MYO18B: variants seen among roughly 807,000 people sequenced by gnomAD.
The protein encoded by MYO18B is unconventional myosin-XVIIIb.
Under a neutral mutation model 273.0 loss-of-function variants are expected in MYO18B, and 204 were observed. The observed-to-expected ratio is 0.75, with a 90% CI of 0.67 to 0.84. The LOEUF (loss-of-function observed/expected upper bound fraction) is 0.84, where lower values mean the gene tolerates loss of function less well. Ranked by LOEUF, MYO18B falls within the 40% of genes least tolerant of loss-of-function variation. The probability of loss-of-function intolerance (pLI) is 0.00; values close to 1 mark genes in which losing one functional copy is unlikely to be tolerated. For synonymous variants in MYO18B, 1,330 were observed against 1,305.7 expected, an observed-to-expected ratio of 1.02 and a Z score of -0.40; for missense variants, 3,212 against 3,287.6, an observed-to-expected ratio of 0.98 and a Z score of 0.56.
chr22:25,833,546 G>A (rs974663605), intron 16 of MYO18B, among the ~76,000 whole-genome samples: 1 of 152,144 alleles, frequency 6.6e-6, no homozygotes, highest in African/African-American at 2.4e-5. Flanking sequence ...ACCTCTGCTC[G>A]ACTCAGAACT....
intron 17 of MYO18B, among the ~76,000 whole-genome samples, chr22:25,839,096 G>A (rs570230334): frequency 1.8e-4 from 26 of 148,074 alleles, no homozygotes; most frequent in African/African-American, 4.6e-4. Flanking sequence ...GTGTGTATAC[G>A]TGTGTGCGTG....
intron 1 of MYO18B, among the ~76,000 whole-genome samples, chr22:25,745,402 C>T (rs6004750): frequency 0.38 from 58,199 of 151,786 alleles, 13,009 homozygotes; most frequent in African/African-American, 0.62. Context: ...GGAACCACTG[C>T]GCCTGGCAGA....
chr22:25,884,180 A>G (rs2091429215), intron 25 of MYO18B, among the ~76,000 whole-genome samples: 1 of 152,182 alleles, frequency 6.6e-6, no homozygotes, highest in African/African-American at 2.4e-5. Context: ...AGATGTATGT[A>G]GGTCAGAAAG....
chr22:25,864,629 T>C (rs540493513), intron 21 of MYO18B, among the ~76,000 whole-genome samples: 10 of 152,254 alleles, frequency 6.6e-5, no homozygotes, highest in African/African-American at 2.4e-4. Flanking sequence ...TACCATCACT[T>C]CCTAAACACG....
intron 40 of MYO18B, among the ~76,000 whole-genome samples, chr22:25,995,019 C>T (rs928237980): frequency 6.6e-6 from 1 of 152,016 alleles, no homozygotes; most frequent in Non-Finnish European, 1.5e-5. Flanking sequence ...GAAGAAGGTG[C>T]AACAAGAAGC....
At chr22:25,827,625 G>A (rs1157531165) in intron 14 of MYO18B, among the ~76,000 whole-genome samples, 2 of 152,190 alleles carry the variant, frequency 1.3e-5, no homozygotes, top group African/African-American at 4.8e-5. Flanking sequence ...CAGAGCAGCC[G>A]GGTTTCTCCA....
intron 34 of MYO18B, among the ~76,000 whole-genome samples, chr22:25,931,681 C>CTTTTTTTTTT (rs71311530): frequency 2.4e-5 from 3 of 123,520 alleles, no homozygotes; most frequent in Non-Finnish European, 3.4e-5. Flanking sequence ...TTTCTTTTTT[C>CTTTTTTTTTT]TTTTTTTTTT....
At chr22:26,010,591 C>T (rs983709883) in intron 42 of MYO18B, among the ~76,000 whole-genome samples, 5 of 152,186 alleles carry the variant, frequency 3.3e-5, no homozygotes, top group Admixed American at 2.0e-4. Context: ...ACAACTGTAG[C>T]AAATTAGCAC....
chr22:25,918,095 C>T (rs5761314), intron 33 of MYO18B, among the ~76,000 whole-genome samples: 55,847 of 151,990 alleles, frequency 0.37, 12,042 homozygotes, highest in East Asian at 0.51. Context: ...TGCTTAAAAG[C>T]GATAAGGTCC....
At chr22:25,749,955 C>T (rs1456337792) in intron 1 of MYO18B, among the ~76,000 whole-genome samples, 1 of 152,216 alleles carries the variant, frequency 6.6e-6, no homozygotes, top group African/African-American at 2.4e-5. Context: ...AACAGCCATG[C>T]CCATTCATTT....
At chr22:25,886,360 G>A (rs954234252) in intron 25 of MYO18B, among the ~76,000 whole-genome samples, 7 of 152,210 alleles carry the variant, frequency 4.6e-5, no homozygotes, top group African/African-American at 1.4e-4. Flanking sequence ...AATTTCCCCT[G>A]CTGACTGAGG....
At chr22:25,810,433 ATT>A (rs369429871) in intron 12 of MYO18B, among the ~76,000 whole-genome samples, 5,103 of 96,548 alleles carry the variant, frequency 0.053, 135 homozygotes, top group East Asian at 0.19. Context: ...ATAGGCTATA[ATT>A]TTTTTTTTTT....
intron 5 of MYO18B, among the ~76,000 whole-genome samples, chr22:25,770,529 A>G (rs759054666): frequency 2.0e-5 from 3 of 152,134 alleles, no homozygotes; most frequent in Non-Finnish European, 4.4e-5. Context: ...ATGGCTGGGA[A>G]GAGTGGTTGA....
intron 42 of MYO18B, among the ~76,000 whole-genome samples, chr22:26,010,280 A>G (rs1934794524): frequency 6.6e-6 from 1 of 151,996 alleles, no homozygotes; most frequent in South Asian, 2.1e-4. Flanking sequence ...CATCCTCTAT[A>G]CTTTAGCCAG....
chr22:25,845,945 A>G (rs1569102417), intron 18 of MYO18B, among the ~76,000 whole-genome samples, 155 bp from the exon 19 acceptor site: 1 of 152,228 alleles, frequency 6.6e-6, no homozygotes, highest in Non-Finnish European at 1.5e-5. Flanking sequence ...GGGGCTGTGA[A>G]TGAAGGGGAG....
In MYO18B at chr22:26,027,380, A is replaced by G. The variant is rs1936336644; in HGVS notation, c.7406A>G (p.Gln2469Arg). 1 of 1,613,954 alleles carries G rather than the reference A, an allele frequency of 6.2e-7. No homozygotes were observed. The highest frequency in any genetic ancestry group is 8.5e-7 in the Non-Finnish European group (1 of 1,179,854). The part of the protein sequence containing the change: ...GSAKGGQDGS[Q>R]RSSIHFETEE... The stretch of plus-strand genomic sequence containing the variant: ...GCCAAAGGTGGGCAAGACGGTTCAC[A>G]GCGTTCAAGCATCCACTTTGAAACG... The change falls in exon 43 of 44, where the codon CAG (glutamine) becomes CGG (arginine). Residue 2469 changes from glutamine to arginine, a missense_variant. By Grantham distance (43) the Gln-to-Arg change is conservative (BLOSUM62 1). Coordinates refer to ENST00000335473, the MANE Select transcript of MYO18B (RefSeq NM_032608.7). The surrounding 1 kb of genome is among the most constrained non-coding windows in gnomAD (Gnocchi z 4.1).
chr22:25,816,259 A>C (rs5761251), intron 12 of MYO18B, among the ~76,000 whole-genome samples: 2,933 of 152,198 alleles, frequency 0.019, 74 homozygotes, highest in East Asian at 0.1. Flanking sequence ...TTAAGGGAGG[A>C]AATCTCTGAG....
Position 25,833,007 on chromosome 22 carries a change from G to A in MYO18B, c.3060+10G>A, listed in dbSNP as rs763369426. 2.5e-6 allele frequency: 4 copies of A among 1,613,198 alleles called. No individual in the cohort carries two copies. The highest frequency in any genetic ancestry group is 3.4e-6 in the Non-Finnish European group (4 of 1,179,330). ...TCAAAATCCCTCTCAGGTAACACAG[G>A]GCCCAGCCAATCCAGGCTCTCAGAT... On this transcript the variant is annotated intron_variant, in intron 16 of 43. Transcript: ENST00000335473.
chr22:25,891,231 C>A, intron 26 of MYO18B, 73 bp from the exon 27 acceptor site: 1 of 1,134,040 alleles, frequency 8.8e-7, no homozygotes, highest in East Asian at 2.6e-5. Context: ...GCCTTGGAAG[C>A]ACTTCATGGG....
Sources: gnomAD v4.1 joint callset for allele counts (sites outside exome capture counted in the v4.1 genomes callset) on GRCh38, gnomAD v4.1.1 for gene constraint, Gnocchi (gnomAD v3.1) non-coding constraint, MANE v1.5 for transcripts, NCBI Gene and HGNC (gene_info 2026-07-23, HGNC 2026-07-21) for gene names.